PRIM2: variants seen among roughly 807,000 people sequenced by gnomAD.
PRIM2 encodes the protein DNA primase subunit 2.
In PRIM2, 39 loss-of-function variants were observed where a neutral mutation model predicts 67.3. The observed-to-expected ratio is 0.58, with a 90% CI of 0.45 to 0.76. PRIM2 has a LOEUF of 0.76. PRIM2 is among the 30% of genes least tolerant of loss of function. The probability of loss-of-function intolerance (pLI) is 0.00; values close to 1 mark genes in which losing one functional copy is unlikely to be tolerated. For missense variants in PRIM2, 398 were observed against 598.7 expected (o/e 0.66, Z 3.50); for synonymous variants, 143 against 198.7 (o/e 0.72, Z 2.36).
At chr6:57,516,492 G>A (rs1278991943) in intron 8 of PRIM2, among the ~76,000 whole-genome samples, 2 of 152,098 alleles carry the variant, frequency 1.3e-5, no homozygotes, top group Admixed American at 1.3e-4. Flanking sequence ...TTGAAAAAAG[G>A]TATAAGAAAT....
intron 13 of PRIM2, among the ~76,000 whole-genome samples, chr6:57,637,080 T>C (rs1200726034): frequency 1.3e-5 from 2 of 152,188 alleles, no homozygotes; most frequent in Non-Finnish European, 2.9e-5. Context: ...ATCTTTGCTG[T>C]TCTGCAGCCT....
chr6:57,614,402 C>T (rs1412671300), intron 12 of PRIM2, among the ~76,000 whole-genome samples: 1,917 of 152,098 alleles, frequency 0.013, 38 homozygotes, highest in African/African-American at 0.042. Flanking sequence ...AAGTAAAAGC[C>T]GTTGTTGCCT....
chr6:57,601,001 G>C, intron 10 of PRIM2, 92 bp from the exon 11 acceptor site: 2 of 1,228,210 alleles, frequency 1.6e-6, no homozygotes, highest in Non-Finnish European at 2.2e-6. Flanking sequence ...AGAAAATATC[G>C]CTTTGCACTC....
intron 5 of PRIM2, among the ~76,000 whole-genome samples, chr6:57,346,180 A>G (rs1357526027): frequency 6.6e-6 from 1 of 152,160 alleles, no homozygotes; most frequent in Non-Finnish European, 1.5e-5. Context: ...CCTCTTGGGA[A>G]TGCAGCCCAT....
chr6:57,240,052 T>C, the PRIM2 span, among the ~76,000 whole-genome samples: 1 of 151,688 alleles, frequency 6.6e-6, no homozygotes, highest in Non-Finnish European at 1.5e-5. Context: ...ATAAATTATA[T>C]ATAGGTATTA....
intron 7 of PRIM2, among the ~76,000 whole-genome samples, chr6:57,405,795 G>A (rs1770867912): frequency 2.7e-5 from 4 of 148,994 alleles, no homozygotes; most frequent in Non-Finnish European, 4.4e-5. Flanking sequence ...TAGTATGTGT[G>A]AGAGGTGGCA....
At chr6:57,333,680 A>G (rs559490944) in intron 5 of PRIM2, among the ~76,000 whole-genome samples, 4 of 151,934 alleles carry the variant, frequency 2.6e-5, no homozygotes, top group African/African-American at 4.8e-5. Context: ...CTGACATTCA[A>G]TCTTTGTGTT....
chr6:57,336,807 A>G (rs892345726), intron 5 of PRIM2, among the ~76,000 whole-genome samples: 1 of 152,204 alleles, frequency 6.6e-6, no homozygotes. Flanking sequence ...TCAACTAACG[A>G]GCAAAATAAC....
the PRIM2 span, among the ~76,000 whole-genome samples, chr6:57,257,348 C>G: frequency 1.3e-5 from 2 of 151,176 alleles, no homozygotes; most frequent in African/African-American, 4.9e-5. Flanking sequence ...CTCGGCTCAC[C>G]GCAACCTCCA....
chr6:57,516,632 C>T (rs1332487910), intron 8 of PRIM2, among the ~76,000 whole-genome samples: 12 of 152,136 alleles, frequency 7.9e-5, no homozygotes, highest in South Asian at 2.1e-4. Context: ...AAATAGTAGA[C>T]TTTGTAATGA....
At chr6:57,375,249 C>G (rs1254933800) in intron 5 of PRIM2, among the ~76,000 whole-genome samples, 1 of 152,092 alleles carries the variant, frequency 6.6e-6, no homozygotes, top group South Asian at 2.1e-4. Context: ...CCTTCAATAC[C>G]CAGTTTATTG....
At chr6:57,560,990 A>G (rs1167659125) in intron 10 of PRIM2, among the ~76,000 whole-genome samples, 10 of 152,192 alleles carry the variant, frequency 6.6e-5, no homozygotes, top group African/African-American at 2.4e-4. Context: ...GAACCCAGGC[A>G]TTGACTTCTC....
At chr6:57,414,794 T>C (rs1476188154) in intron 7 of PRIM2, among the ~76,000 whole-genome samples, 1 of 152,170 alleles carries the variant, frequency 6.6e-6, no homozygotes, top group African/African-American at 2.4e-5. Context: ...ATAAATTTTA[T>C]AGCCTTTATG....
In PRIM2 at chr6:57,530,349, G is replaced by A. The variant is rs1259626246; in HGVS notation, c.762-2062G>A. ...GCAACTTGTGAGAAGGCAAATAAATGGGAGATAAAGACCAGTTGGTAAAGC... is the reference window on the plus strand; with the variant it reads ...GCAACTTGTGAGAAGGCAAATAAATAGGAGATAAAGACCAGTTGGTAAAGC... On this transcript the variant is annotated intron_variant, in intron 8 of 13. Transcript: ENST00000615550. Among the ~76,000 whole-genome samples, 25 of 152,334 alleles carry A rather than the reference G, an allele frequency of 1.6e-4. No individual in the cohort carries two copies. The South Asian group carries it at 4.6e-3, about 28-fold the overall frequency.
chr6:57,327,507 A>G (rs1767905120), intron 5 of PRIM2, among the ~76,000 whole-genome samples: 1 of 152,234 alleles, frequency 6.6e-6, no homozygotes, highest in African/African-American at 2.4e-5. Context: ...TGTCAAATAT[A>G]TGCTAGGTAG....
intron 10 of PRIM2, among the ~76,000 whole-genome samples, chr6:57,597,946 T>C (rs1776396536): frequency 1.3e-5 from 2 of 152,230 alleles, no homozygotes; most frequent in South Asian, 4.1e-4. Flanking sequence ...TTTAATTTCA[T>C]GTATGAAAAA....
chr6:57,269,334 T>C, the PRIM2 span, among the ~76,000 whole-genome samples: 1 of 152,084 alleles, frequency 6.6e-6, no homozygotes, highest in Non-Finnish European at 1.5e-5. Context: ...TTCTAACTGG[T>C]GTGAGATGGT....
At chr6:57,611,499 T>C (rs1404037870) in intron 12 of PRIM2, among the ~76,000 whole-genome samples, 2 of 152,126 alleles carry the variant, frequency 1.3e-5, no homozygotes, top group Non-Finnish European at 2.9e-5. Context: ...TAAACAAAGG[T>C]GCCAGGGCAA....
At chr6:57,274,371 C>A in the PRIM2 span, among the ~76,000 whole-genome samples, 3 of 152,346 alleles carry the variant, frequency 2.0e-5, no homozygotes, top group South Asian at 6.2e-4. Flanking sequence ...GCAGTTTGAT[C>A]TCAGACTGCT....
Sources: gnomAD v4.1 joint callset for allele counts (sites outside exome capture counted in the v4.1 genomes callset) on GRCh38, gnomAD v4.1.1 for gene constraint, MANE v1.5 for transcripts, NCBI Gene and HGNC (gene_info 2026-07-23, HGNC 2026-07-21) for gene names.